The following SPACA3 variants were observed in gnomAD, a reference collection of about 807,000 sequenced individuals.
SPACA3 encodes the protein sperm acrosome associated 3.
In SPACA3, 21 loss-of-function variants were observed where a neutral mutation model predicts 24.5. The observed-to-expected ratio is 0.86, with a 90% confidence interval of 0.61 to 1.24. The LOEUF (loss-of-function observed/expected upper bound fraction) is 1.24, where lower values mean the gene tolerates loss of function less well. SPACA3 is among the 50% of genes most tolerant of loss of function. The probability of loss-of-function intolerance (pLI) is 0.00; values close to 1 mark genes in which losing one functional copy is unlikely to be tolerated. For missense variants in SPACA3, 278 were observed against 275.5 expected (o/e 1.01, Z -0.06); for synonymous variants, 115 against 106.9 (o/e 1.08, Z -0.47).
At chr17:32,996,678 G>T (rs2091723881) in intron 2 of SPACA3, 165 bp from the exon 3 acceptor site, 23 of 652,118 alleles carry the variant, frequency 3.5e-5, no homozygotes, top group Non-Finnish European at 4.6e-5. Context: ...GCACCTCTAA[G>T]CCTCGATTGA....
In SPACA3 at chr17:32,991,958, G is replaced by A. The variant is rs2091692198; in HGVS notation, c.20G>A (p.Gly7Glu). 6.2e-7 allele frequency: 1 copy of A among 1,613,854 alleles called. No homozygotes were observed. Among genetic ancestry groups the A allele is most frequent in the Non-Finnish European group, 8.5e-7 (1 of 1,179,982 alleles). The change falls in exon 1 of 5, where the codon GGA (glycine) becomes GAA (glutamate). Residue 7 changes from glycine to glutamate, a missense_variant. By Grantham distance (98) the Gly-to-Glu change is moderately conservative (BLOSUM62 -2). Transcript: ENST00000269053. ...GTCACCATGGTCTCAGCTCTGCGGG[G>A]AGCACCCCTGATCAGTGAGCCCCCT... MVSALR[G>E]APLIRVHSSP...
rs919220294 is a variant in SPACA3 at position 32,995,516 on chromosome 17, A to G, written c.142A>G (p.Thr48Ala). The G allele has an allele frequency of 4.3e-6, 7 of 1,613,998 alleles. No individual in the cohort carries two copies. The highest frequency in any genetic ancestry group is 4.2e-6 in the Non-Finnish European group (5 of 1,180,000). ...SALSQSGGGSTSAAGIEARSR... is the reference protein window; with the variant it reads ...SALSQSGGGSASAAGIEARSR... The stretch of plus-strand genomic sequence containing the variant: ...TCTGAGCCAGAGTGGTGGTGGCTCC[A>G]CCTCTGCCGCCGGCATAGAAGCCAG... The change falls in exon 2 of 5, where the codon ACC becomes GCC. Residue 48 changes from threonine (T) to alanine (A), a missense_variant. Transcript: ENST00000269053.
At chr17:32,997,142 G>C in intron 3 of SPACA3, 141 bp downstream of exon 3, 2 of 990,064 alleles carry the variant, frequency 2.0e-6, no homozygotes, top group East Asian at 2.7e-5. Context: ...AGGGAGATGG[G>C]ACAAGGGATG....
intron 1 of SPACA3, chr17:32,992,995 C>G (rs750600155): frequency 6.4e-6 from 3 of 466,552 alleles, no homozygotes; most frequent in Admixed American, 4.8e-5. Flanking sequence ...ATGAAGGAAG[C>G]CAGGATGGAG....
Position 32,992,049 on chromosome 17 carries a change from A to G in SPACA3, c.34+77A>G. 3 of 1,539,404 alleles carry G rather than the reference A, an allele frequency of 1.9e-6. No individual in the cohort carries two copies. In the Middle Eastern group the frequency reaches 5.1e-4, roughly 260 times the overall value. ...GTCTGGCCAGAGACCAGGTGGAGAA[A>G]AACAAGGTGGTGGTTAGGGTGGGGT... On this transcript the variant is annotated intron_variant, in intron 1 of 4. Transcript: ENST00000269053.
At chr17:32,992,838 T>A (rs1354593056) in intron 1 of SPACA3, 2 of 467,800 alleles carry the variant, frequency 4.3e-6, no homozygotes, top group Non-Finnish European at 8.9e-6. Flanking sequence ...TGAAGGGTCG[T>A]GAAGGGCCGT....
rs1376461902 is a variant in SPACA3, at chr17:32,995,849, T to C, written c.343+132T>C. On this transcript the variant is annotated intron_variant, in intron 2 of 4. Coordinates refer to ENST00000269053, the MANE Select transcript of SPACA3 (RefSeq NM_173847.5). ...GCCCTTCTGTAAACTGAAGATGATTTGAGATGGCAGGTAGAGAACAGCCAG... is the reference window on the plus strand; with the variant it reads ...GCCCTTCTGTAAACTGAAGATGATTCGAGATGGCAGGTAGAGAACAGCCAG... The C allele has an allele frequency of 1.7e-5, 18 of 1,086,316 alleles. No homozygotes were observed. In the Admixed American group the frequency reaches 5.0e-4, roughly 30 times the overall value. 67.3% of individuals were successfully genotyped at this position (1,086,316 alleles called of 1,614,324 possible). A position where few individuals can be genotyped will look rare whatever the true frequency, so the allele number is the denominator to read the frequency against.
At position 32,991,938 on chromosome 17, in the gene SPACA3, C is replaced by T; in HGVS notation, c.-1C>T. On this transcript the variant is annotated 5_prime_UTR_variant, in exon 1 of 5. Transcript: ENST00000269053. ...CCACTGCTGCTGCTGCCATTGTCAC[C>T]ATGGTCTCAGCTCTGCGGGGAGCAC... The T allele has an allele frequency of 6.2e-7, 1 of 1,614,022 alleles. No individual in the cohort carries two copies. The highest frequency in any genetic ancestry group is 8.5e-7 in the Non-Finnish European group (1 of 1,179,978).
At chr17:32,993,631 C>G (rs369181347) in intron 1 of SPACA3, among the ~76,000 whole-genome samples, 2 of 151,914 alleles carry the variant, frequency 1.3e-5, no homozygotes, top group Non-Finnish European at 2.9e-5. Flanking sequence ...GCAGTTTCAG[C>G]GCGCGGTGAT....
At chr17:32,994,846 G>A (rs28905) in intron 1 of SPACA3, among the ~76,000 whole-genome samples, 40,082 of 152,088 alleles carry the variant, frequency 0.26, 6,880 homozygotes, top group African/African-American at 0.46. Context: ...CAAACCAGAC[G>A]GGCAGGCTGG....
intron 3 of SPACA3, 99 bp downstream of exon 3, chr17:32,997,100 T>C: frequency 7.4e-7 from 1 of 1,356,694 alleles, no homozygotes; most frequent in South Asian, 1.6e-5. Flanking sequence ...TGAGTGAGGG[T>C]TCCCCCACAT....
chr17:32,992,892 T>A (rs1219648746), intron 1 of SPACA3: 22 of 470,804 alleles, frequency 4.7e-5, no homozygotes, highest in South Asian at 3.4e-4. Context: ...ATCCAAGGTG[T>A]CACAGGGCTG....
intron 4 of SPACA3, 66 bp from the exon 5 acceptor site, chr17:32,997,646 T>C: frequency 1.9e-6 from 3 of 1,574,044 alleles, no homozygotes; most frequent in Non-Finnish European, 2.6e-6. Flanking sequence ...TTCTTGTTCT[T>C]CTCTGGGCGG....
chr17:32,995,094 G>A (rs1462498583), intron 1 of SPACA3, among the ~76,000 whole-genome samples: 5 of 152,196 alleles, frequency 3.3e-5, no homozygotes, highest in South Asian at 4.1e-4. Flanking sequence ...TGAACACACC[G>A]CCTGGCCATC....
chr17:32,997,547 C>A, intron 4 of SPACA3, 24 bp downstream of exon 4: 1 of 1,604,986 alleles, frequency 6.2e-7, no homozygotes, highest in Admixed American at 1.7e-5. Flanking sequence ...GCTGGAGCCC[C>A]GCAGCGGTGG....
chr17:32,996,944 A>T lies in SPACA3; in HGVS notation c.445A>T (p.Arg149Trp), dbSNP rs142634426. Residue 149 changes from arginine (R) to tryptophan (W), a missense_variant, in exon 3 of 5, where the codon AGG becomes TGG. By Grantham distance (101) the Arg-to-Trp change is moderately radical. Coordinates refer to ENST00000269053, the MANE Select transcript of SPACA3 (RefSeq NM_173847.5). ...NNGIFQINSR[R>W]WCSNLTPNVP... The stretch of plus-strand genomic sequence containing the variant: ...CGGGATCTTCCAGATCAACAGCCGG[A>T]GGTGGTGCAGCAACCTCACCCCGAA... 1.9e-5 allele frequency: 30 copies of T among 1,605,244 alleles called. No homozygotes were observed. The African/African-American group carries it at 3.8e-4, about 20-fold the overall frequency.
In SPACA3 at chr17:32,996,888, T is replaced by C; in HGVS notation, c.389T>C (p.Leu130Ser). The C allele has an allele frequency of 1.2e-6, 2 of 1,609,776 alleles. No individual in the cohort carries two copies. Among genetic ancestry groups the C allele is most frequent in the Non-Finnish European group, 1.7e-6 (2 of 1,178,022 alleles). Residue 130 changes from leucine to serine, a missense_variant, in exon 3 of 5, where the codon TTG (leucine) becomes TCG (serine). Coordinates refer to ENST00000269053, the MANE Select transcript of SPACA3 (RefSeq NM_173847.5). ...ACAAGCGGTTTCAACGCAGCTGCTT[T>C]GGACTACGAGGCTGATGGGAGCACC... ...YFTSGFNAAA[L>S]DYEADGSTNN...
intron 1 of SPACA3, among the ~76,000 whole-genome samples, chr17:32,992,589 C>G (rs2091696307): frequency 6.6e-6 from 1 of 152,182 alleles, no homozygotes; most frequent in Non-Finnish European, 1.5e-5. Context: ...CTATTCCAGC[C>G]TCGTGTGACA....
chr17:32,995,443 G>C lies in SPACA3; in HGVS notation c.69G>C (p.Val23=), dbSNP rs957009268. ...VHSSPVSSPS[V]SGPRRLVSCL... is the part of the protein sequence containing the mutation. ...CAAGCCCTGTTTCTTCTCCTTCTGT[G>C]AGTGGACCACGGAGGCTGGTGAGCT... The change falls in exon 2 of 5, where the codon GTG becomes GTC. Residue 23 remains valine, a synonymous_variant. Coordinates refer to ENST00000269053, the MANE Select transcript of SPACA3 (RefSeq NM_173847.5). The C allele has an allele frequency of 6.2e-7, 1 of 1,611,474 alleles. No individual in the cohort carries two copies. The highest frequency in any genetic ancestry group is 1.3e-5 in the African/African-American group (1 of 75,008).
Sources: gnomAD v4.1 joint callset for allele counts (sites outside exome capture counted in the v4.1 genomes callset) on GRCh38, gnomAD v4.1.1 for gene constraint, MANE v1.5 for transcripts, NCBI Gene and HGNC (gene_info 2026-07-23, HGNC 2026-07-21) for gene names.